Variants in NOL4L observed in about 807,000 individuals in gnomAD.
NOL4L encodes nucleolar protein 4-like.
NOL4L carries 7 observed loss-of-function variants against 64.5 expected under a neutral mutation model. The ratio of observed to expected loss-of-function variants is 0.11; its 90% CI spans 0.06 to 0.20. The LOEUF (loss-of-function observed/expected upper bound fraction) is 0.20. NOL4L is among the 10% of genes least tolerant of loss of function. The pLI is 1.00. For synonymous variants in NOL4L, 413 were observed against 401.0 expected, an observed-to-expected ratio of 1.03 and a Z score of -0.36; for missense variants, 680 against 967.1, an observed-to-expected ratio of 0.70 and a Z score of 3.94.
intron 4 of NOL4L, among the ~76,000 whole-genome samples, chr20:32,486,076 T>G (rs1298593582): frequency 6.6e-6 from 1 of 152,194 alleles, no homozygotes; most frequent in East Asian, 1.9e-4. Context: ...AGAAAACAGT[T>G]GAGAGCCCTG....
intron 1 of NOL4L, among the ~76,000 whole-genome samples, chr20:32,529,810 T>C (rs542294903): frequency 1.3e-5 from 2 of 152,190 alleles, no homozygotes; most frequent in South Asian, 2.1e-4. Flanking sequence ...TATCTCTCTC[T>C]CTCTGTGTGT....
chr20:32,576,924 G>A lies in NOL4L; in HGVS notation c.321+7646C>T, dbSNP rs999552805. On this transcript the variant is annotated intron_variant, in intron 1 of 10. Coordinates refer to ENST00000621426, the MANE Select transcript of NOL4L (RefSeq NM_001256798.2). ...AGGGCACCATGAGCCAGGGGTGGGT[G>A]GAGAGCTAGGGCACCCCTGCTGCCT... 9.2e-5 allele frequency among the ~76,000 whole-genome samples: 14 copies of A among 152,208 alleles called. 1 individual carries two copies. Among genetic ancestry groups the A allele is most frequent in the Admixed American group, 7.8e-4 (12 of 15,290 alleles).
intron 4 of NOL4L, among the ~76,000 whole-genome samples, chr20:32,504,613 C>T (rs1277292452): frequency 7.1e-6 from 1 of 141,806 alleles, no homozygotes; most frequent in Admixed American, 7.1e-5. Context: ...TCTGCAGCTG[C>T]TTTTTTTTTT....
chr20:32,491,854 AC>A (rs1213062139), intron 4 of NOL4L, among the ~76,000 whole-genome samples: 1 of 152,112 alleles, frequency 6.6e-6, no homozygotes, highest in Non-Finnish European at 1.5e-5. Flanking sequence ...GGTGGCTCAC[AC>A]CCATAATCCC....
At chr20:32,571,118 T>C (rs945475481) in intron 1 of NOL4L, among the ~76,000 whole-genome samples, 7 of 152,148 alleles carry the variant, frequency 4.6e-5, no homozygotes, top group Admixed American at 3.3e-4. Context: ...GGGCAGGGAA[T>C]GGGATGGGAT....
chr20:32,519,120 G>C (rs2017811381), intron 3 of NOL4L, among the ~76,000 whole-genome samples: 1 of 152,166 alleles, frequency 6.6e-6, no homozygotes, highest in Non-Finnish European at 1.5e-5. Context: ...TGCAGCCCTG[G>C]AGCCCTGTTC....
chr20:32,453,297 G>C lies in NOL4L; in HGVS notation c.1497+7C>G, dbSNP rs186271969. 3.1e-6 allele frequency: 5 copies of C among 1,611,758 alleles called. No homozygotes were observed. The Admixed American group carries it at 5.0e-5, about 16-fold the overall frequency. ...GGGAAAGTGTGGGCCAGGCAGGGGG[G>C]ACTCACCATCTCCATGCCGTTCTTC... On this transcript the variant is annotated splice_region_variant and intron_variant, in intron 8 of 10. Coordinates refer to ENST00000621426, the MANE Select transcript of NOL4L (RefSeq NM_001256798.2). This position sits in a 1 kb window ranked among gnomAD's most constrained non-coding sequence, Gnocchi z 5.6.
Position 32,537,403 on chromosome 20 carries a change from G to A in NOL4L, c.322-9490C>T, listed in dbSNP as rs187916790. Among the ~76,000 whole-genome samples the A allele has an allele frequency of 1.9e-3, 295 of 152,362 alleles. 1 individual carries two copies. Among genetic ancestry groups the A allele is most frequent in the Non-Finnish European group, 3.5e-3 (237 of 68,044 alleles). Reference sequence around the variant, plus strand: ...CAAAACAGTCACACTGGTGGCTGGCGTCGCGGTGCACCTACTGTGTGCCAA... The same window carrying A: ...CAAAACAGTCACACTGGTGGCTGGCATCGCGGTGCACCTACTGTGTGCCAA... On this transcript the variant is annotated intron_variant, in intron 1 of 10. Transcript: ENST00000621426.
chr20:32,554,434 T>C (rs956855438), intron 1 of NOL4L, among the ~76,000 whole-genome samples: 4 of 151,426 alleles, frequency 2.6e-5, no homozygotes, highest in African/African-American at 9.7e-5. Flanking sequence ...AAGTGGCTCA[T>C]GGGCAGAGAG....
At position 32,447,462 on chromosome 20, in the gene NOL4L, A is replaced by T; in HGVS notation, c.*134T>A. ...TGTGCCCAAAGTCTCAGGTGCTTGG[A>T]GTGTGGCTAGAAACAGCTCTTTTGG... On this transcript the variant is annotated 3_prime_UTR_variant, in exon 11 of 11. Coordinates refer to ENST00000621426, the MANE Select transcript of NOL4L (RefSeq NM_001256798.2). 3.1e-6 allele frequency: 2 copies of T among 644,090 alleles called. No individual in the cohort carries two copies. The highest frequency in any genetic ancestry group is 4.7e-6 in the Non-Finnish European group (2 of 421,774). 39.9% of individuals were successfully genotyped at this position (644,090 alleles called of 1,614,324 possible).
At chr20:32,455,106 T>TGAGCCA (rs1235201201) in intron 6 of NOL4L, among the ~76,000 whole-genome samples, 1 of 152,186 alleles carries the variant, frequency 6.6e-6, no homozygotes, top group Non-Finnish European at 1.5e-5. Flanking sequence ...AGCCAAACCC[T>TGAGCCA]GAGCCAGGGC....
At chr20:32,566,815 C>T (rs908246923) in intron 1 of NOL4L, among the ~76,000 whole-genome samples, 2 of 152,318 alleles carry the variant, frequency 1.3e-5, no homozygotes, top group Admixed American at 6.5e-5. Flanking sequence ...CATTTACCAG[C>T]GTCTGACACA....
chr20:32,532,096 G>A (rs897806622), intron 1 of NOL4L, among the ~76,000 whole-genome samples: 2 of 152,184 alleles, frequency 1.3e-5, no homozygotes, highest in African/African-American at 4.8e-5. Flanking sequence ...GTAAACAACA[G>A]CTTTGCACCT....
At chr20:32,503,366 A>G (rs2145541149) in intron 4 of NOL4L, among the ~76,000 whole-genome samples, 1 of 152,312 alleles carries the variant, frequency 6.6e-6, no homozygotes, top group East Asian at 1.9e-4. Context: ...GGAGCAAAGG[A>G]AAGAAGCCAG....
intron 1 of NOL4L, chr20:32,536,987 T>A: frequency 1.3e-5 from 9 of 717,612 alleles, no homozygotes; most frequent in South Asian, 6.3e-5. Flanking sequence ...GCGCACCTGC[T>A]GCGCGCGCGC....
chr20:32,584,875 G>A lies in NOL4L; in HGVS notation c.16C>T (p.Leu6=). MPKPT[L]LLRGGWERER... is the part of the protein sequence containing the mutation. ...CGCTCCCAGCCCCCGCGCAGCAGCA[G>A]CGTCGGCTTCGGCATCCTCCCGCCG... Residue 6 remains leucine, a synonymous_variant, in exon 1 of 11, where the codon CTG becomes TTG. Coordinates refer to ENST00000621426, the MANE Select transcript of NOL4L (RefSeq NM_001256798.2). 7.5e-7 allele frequency: 1 copy of A among 1,332,676 alleles called. No homozygotes were observed. The highest frequency in any genetic ancestry group is 3.1e-5 in the East Asian group (1 of 31,936). The allele number at this position is 1,332,676 out of a possible 1,614,324, so 82.6% of individuals were successfully genotyped here. A position where few individuals can be genotyped will look rare whatever the true frequency, so the allele number is the denominator to read the frequency against.
chr20:32,577,640 G>GT (rs926164678), intron 1 of NOL4L, among the ~76,000 whole-genome samples: 8 of 152,132 alleles, frequency 5.3e-5, no homozygotes, highest in Admixed American at 2.6e-4. Context: ...GAGCTCAGGA[G>GT]TTTAAGACCA....
chr20:32,454,468 C>G (rs1398647485), intron 6 of NOL4L, among the ~76,000 whole-genome samples: 1 of 150,656 alleles, frequency 6.6e-6, no homozygotes, highest in African/African-American at 2.5e-5. Context: ...TAGAGAAGGG[C>G]TCCAGCCCTC....
intron 1 of NOL4L, among the ~76,000 whole-genome samples, chr20:32,556,797 G>A (rs936466887): frequency 2.0e-5 from 3 of 152,210 alleles, no homozygotes; most frequent in Admixed American, 1.3e-4. Context: ...GAGAGCACGT[G>A]ACCTGCCCAA....
Sources: allele counts gnomAD v4.1 joint callset (sites outside exome capture counted in the v4.1 genomes callset), GRCh38; gene constraint gnomAD v4.1.1; non-coding constraint Gnocchi (gnomAD v3.1); transcripts MANE v1.5; gene names NCBI Gene and HGNC (gene_info 2026-07-23, HGNC 2026-07-21).